Variants in RAPGEF2 observed in about 807,000 individuals in gnomAD.
The protein encoded by RAPGEF2 is PDZ domain containing guanine nucleotide exchange factor (GEF) 1.
In RAPGEF2, 54 loss-of-function variants were observed where a neutral mutation model predicts 186.7. The ratio of observed to expected loss-of-function variants is 0.29; its 90% CI spans 0.23 to 0.36. The LOEUF (loss-of-function observed/expected upper bound fraction) is 0.36, where lower values mean the gene tolerates loss of function less well. Among genes scored for constraint, RAPGEF2 ranks in the 10% least tolerant of loss-of-function variants. The probability of loss-of-function intolerance (pLI) is 1.00; values close to 1 mark genes in which losing one functional copy is unlikely to be tolerated. For missense variants in RAPGEF2, 1,532 were observed against 2,045.0 expected (o/e 0.75, Z 4.84); for synonymous variants, 712 against 705.9 (o/e 1.01, Z -0.14).
chr4:159,105,891 G>T (rs537772947), intron 1 of RAPGEF2, among the ~76,000 whole-genome samples: 1 of 152,186 alleles, frequency 6.6e-6, no homozygotes, highest in Admixed American at 6.5e-5. Flanking sequence ...AGAGGCCTTT[G>T]GTGGAAATTA....
chr4:159,251,531 CT>C (rs1434054947), intron 7 of RAPGEF2, among the ~76,000 whole-genome samples: 1 of 152,070 alleles, frequency 6.6e-6, no homozygotes, highest in African/African-American at 2.4e-5. Context: ...ACTTGGAGAA[CT>C]TTTATGTCTA....
intron 18 of RAPGEF2, 102 bp downstream of exon 18, chr4:159,338,570 A>C (rs908168862): frequency 3.3e-6 from 4 of 1,196,000 alleles, no homozygotes; most frequent in Non-Finnish European, 4.7e-6. Context: ...CATGGATTAT[A>C]TCAGATGCTG....
At chr4:159,236,196 G>A (rs538859031) in intron 4 of RAPGEF2, among the ~76,000 whole-genome samples, 3 of 152,250 alleles carry the variant, frequency 2.0e-5, no homozygotes, top group African/African-American at 7.2e-5. Flanking sequence ...TATGGAACTC[G>A]AGTCTTTTTA....
rs368508864 is a variant in RAPGEF2 at position 159,256,269 on chromosome 4, T to C, written c.543+12478T>C. Among the ~76,000 whole-genome samples the C allele has an allele frequency of 1.2e-4, 18 of 152,268 alleles. No homozygotes were observed. In the South Asian group the frequency reaches 3.5e-3, roughly 30 times the overall value. On this transcript the variant is annotated intron_variant, in intron 7 of 29. Coordinates refer to ENST00000691494, the MANE Select transcript of RAPGEF2 (RefSeq NM_001394067.2). ...ACAGTGTCTGTTGTTCCCCTCCCTGTGTTCCCTCTTAAAAGTGAGAACATG... is the reference window on the plus strand; with the variant it reads ...ACAGTGTCTGTTGTTCCCCTCCCTGCGTTCCCTCTTAAAAGTGAGAACATG...
intron 28 of RAPGEF2, 40 bp from the exon 29 acceptor site, chr4:159,355,813 T>C: frequency 6.7e-7 from 1 of 1,481,966 alleles, no homozygotes; most frequent in Non-Finnish European, 9.1e-7. Flanking sequence ...TTTTGTGGCA[T>C]GAACTAGTTT....
intron 1 of RAPGEF2, among the ~76,000 whole-genome samples, chr4:159,121,745 A>G (rs895415350): frequency 1.3e-5 from 2 of 151,930 alleles, no homozygotes; most frequent in Non-Finnish European, 2.9e-5. Flanking sequence ...AATGTAGGTT[A>G]TGGAGCCGGG....
chr4:159,119,573 T>C (rs1201227645), intron 1 of RAPGEF2, among the ~76,000 whole-genome samples: 1 of 152,240 alleles, frequency 6.6e-6, no homozygotes, highest in Non-Finnish European at 1.5e-5. Context: ...GGAGACCTCT[T>C]TGAAAGTCTT....
At chr4:159,195,511 T>C (rs1748545722) in intron 3 of RAPGEF2, among the ~76,000 whole-genome samples, 1 of 152,222 alleles carries the variant, frequency 6.6e-6, no homozygotes, top group Admixed American at 6.5e-5. Flanking sequence ...TCTTCGTGGA[T>C]ATCTTGTGAA....
chr4:159,113,740 C>CAAAA (rs11311075), intron 1 of RAPGEF2, among the ~76,000 whole-genome samples: 3 of 86,634 alleles, frequency 3.5e-5, no homozygotes, highest in Admixed American at 1.2e-4. Context: ...GACTCTGTCT[C>CAAAA]AAAAAAAAAA....
rs565272521 is a variant in RAPGEF2 at position 159,114,062 on chromosome 4, C to T, written c.69+9831C>T. 4.0e-5 allele frequency among the ~76,000 whole-genome samples: 6 copies of T among 151,600 alleles called. No homozygotes were observed. In the East Asian group the frequency reaches 9.7e-4, roughly 25 times the overall value. On this transcript the variant is annotated intron_variant, in intron 1 of 29. Transcript: ENST00000691494. ...GCCTCGTCCTGGGCTCAAGGATCCT[C>T]GCACCTTAGGCTCCTGAGTAGCTGG... is the stretch of plus-strand genomic sequence containing the variant.
At chr4:159,170,723 A>G (rs549055698) in intron 1 of RAPGEF2, among the ~76,000 whole-genome samples, 1 of 152,064 alleles carries the variant, frequency 6.6e-6, no homozygotes, top group East Asian at 1.9e-4. Context: ...GATCCCATTC[A>G]TCTATTTTTG....
At position 159,314,902 on chromosome 4, in the gene RAPGEF2, A is replaced by G. The variant is rs1400985116; in HGVS notation, c.853+134A>G. On this transcript the variant is annotated intron_variant, in intron 9 of 29. Coordinates refer to ENST00000691494, the MANE Select transcript of RAPGEF2 (RefSeq NM_001394067.2). ...TATTAATTTCCTTTGTATAAACAGT[A>G]GTATTTGTTGGACAAAAATTGGAAA... 5.9e-6 allele frequency: 5 copies of G among 848,882 alleles called. No individual in the cohort carries two copies. In the Admixed American group the frequency reaches 1.1e-4, roughly 18 times the overall value. 52.6% of individuals were successfully genotyped at this position (848,882 alleles called of 1,614,324 possible). A position where few individuals can be genotyped will look rare whatever the true frequency, so the allele number is the denominator to read the frequency against.
intron 1 of RAPGEF2, among the ~76,000 whole-genome samples, chr4:159,138,781 C>T (rs1255974142): frequency 6.6e-6 from 1 of 152,134 alleles, no homozygotes; most frequent in Non-Finnish European, 1.5e-5. Context: ...TTGTTTACCT[C>T]ACTGGAGCAT....
intron 1 of RAPGEF2, among the ~76,000 whole-genome samples, chr4:159,131,838 T>C (rs557992081): frequency 2.6e-5 from 4 of 152,074 alleles, no homozygotes; most frequent in South Asian, 4.2e-4. Context: ...ACTTTGTTAA[T>C]ACTTAGCCTT....
At chr4:159,217,699 C>G (rs1751116541) in intron 4 of RAPGEF2, among the ~76,000 whole-genome samples, 2 of 152,162 alleles carry the variant, frequency 1.3e-5, no homozygotes, top group South Asian at 4.1e-4. Context: ...GGTCAAATGG[C>G]AGTTCTATTT....
intron 4 of RAPGEF2, among the ~76,000 whole-genome samples, chr4:159,211,144 T>G (rs1254370191): frequency 6.6e-6 from 1 of 152,242 alleles, no homozygotes; most frequent in African/African-American, 2.4e-5. Flanking sequence ...CTTATGGCCT[T>G]ATGTCCCTAA....
intron 8 of RAPGEF2, among the ~76,000 whole-genome samples, chr4:159,312,201 T>G (rs908103596): frequency 6.6e-6 from 1 of 152,214 alleles, no homozygotes; most frequent in Non-Finnish European, 1.5e-5. Flanking sequence ...TATAAATTAT[T>G]GAAAATATTT....
At chr4:159,298,696 A>G (rs1333436419) in intron 7 of RAPGEF2, among the ~76,000 whole-genome samples, 2 of 152,222 alleles carry the variant, frequency 1.3e-5, no homozygotes, top group South Asian at 2.1e-4. Context: ...AGGGAGTGAA[A>G]GATCGTGTCT....
At chr4:159,154,898 T>C (rs1187680055) in intron 1 of RAPGEF2, among the ~76,000 whole-genome samples, 1 of 152,202 alleles carries the variant, frequency 6.6e-6, no homozygotes, top group Admixed American at 6.5e-5. Flanking sequence ...GGATAATCCG[T>C]GTACCATAGA....
Sources: gnomAD v4.1 joint callset for allele counts (sites outside exome capture counted in the v4.1 genomes callset) on GRCh38, gnomAD v4.1.1 for gene constraint, MANE v1.5 for transcripts, NCBI Gene and HGNC (gene_info 2026-07-23, HGNC 2026-07-21) for gene names.